Variants in MAT2B observed in about 807,000 individuals in gnomAD.
MAT2B encodes methionine adenosyltransferase 2 non-catalytic beta subunit.
In MAT2B, 16 loss-of-function variants were observed where a neutral mutation model predicts 36.1. That is an observed-to-expected ratio of 0.44 (90% CI 0.30 to 0.67). The LOEUF (loss-of-function observed/expected upper bound fraction) is 0.67. Ranked by LOEUF, MAT2B falls within the 30% of genes least tolerant of loss-of-function variation. The probability of loss-of-function intolerance (pLI) is 0.09; values close to 1 mark genes in which losing one functional copy is unlikely to be tolerated. For synonymous variants in MAT2B, 148 were observed against 136.9 expected, an observed-to-expected ratio of 1.08 and a Z score of -0.57; for missense variants, 332 against 398.2, an observed-to-expected ratio of 0.83 and a Z score of 1.42.
At chr5:163,509,416 C>T (rs1189310008) in intron 1 of MAT2B, among the ~76,000 whole-genome samples, 1 of 152,142 alleles carries the variant, frequency 6.6e-6, no homozygotes, top group African/African-American at 2.4e-5. Flanking sequence ...TTCGAGAGTA[C>T]ACTGGTCCTC....
rs748018851 is a variant in MAT2B at position 163,513,578 on chromosome 5, A to G, written c.282A>G (p.Ala94=). The G allele has an allele frequency of 1.2e-6, 2 of 1,611,052 alleles. No homozygotes were observed. The highest frequency in any genetic ancestry group is 1.7e-5 in the Admixed American group (1 of 59,990). ...AGCCCCATGTTATAGTACATTGTGC[A>G]GCAGAGAGAAGACCAGATGTTGTAG... The part of the protein sequence containing the change: ...DFQPHVIVHC[A]AERRPDVVEN... Residue 94 remains alanine, a synonymous_variant, in exon 3 of 7, where the codon GCA becomes GCG. Coordinates refer to ENST00000321757, the MANE Select transcript of MAT2B (RefSeq NM_013283.5).
At chr5:163,505,470 G>C (rs1759911390), upstream of MAT2B, 21 of 1,200,200 alleles carry the variant, frequency 1.7e-5, no homozygotes, top group Non-Finnish European at 2.0e-5. Context: ...TCGGCGCGTG[G>C]GCTGGGGGCA....
chr5:163,511,328 T>C (rs1004512864), intron 1 of MAT2B, among the ~76,000 whole-genome samples: 3 of 151,828 alleles, frequency 2.0e-5, no homozygotes, highest in Non-Finnish European at 4.4e-5. Flanking sequence ...GTGCATGTCA[T>C]GATCTCTGCT....
intron 1 of MAT2B, among the ~76,000 whole-genome samples, chr5:163,508,664 C>A (rs1759987209): frequency 6.6e-6 from 1 of 151,884 alleles, no homozygotes; most frequent in Non-Finnish European, 1.5e-5. Context: ...GTCCCCCAGG[C>A]TGGAGTGCAG....
chr5:163,511,248 T>G (rs1023371596), intron 1 of MAT2B, among the ~76,000 whole-genome samples: 1 of 137,884 alleles, frequency 7.3e-6, no homozygotes, highest in Non-Finnish European at 1.5e-5. Context: ...TTGGGTAAGA[T>G]TATTATAACT....
intron 1 of MAT2B, among the ~76,000 whole-genome samples, chr5:163,506,919 C>G (rs1374249875): frequency 6.6e-6 from 1 of 152,180 alleles, no homozygotes; most frequent in Non-Finnish European, 1.5e-5. Flanking sequence ...TTAAAGCTTA[C>G]TGACTCATGA....
upstream of MAT2B, among the ~76,000 whole-genome samples, chr5:163,504,184 A>G (rs1229817703): frequency 6.6e-6 from 1 of 152,154 alleles, no homozygotes; most frequent in Admixed American, 6.5e-5. Context: ...TAAGAGAAAA[A>G]GTAGTAAGAT....
chr5:163,503,356 C>A, upstream of MAT2B: 1 of 1,605,664 alleles, frequency 6.2e-7, no homozygotes, highest in East Asian at 2.2e-5. Context: ...GAGGCTAAGA[C>A]CCATCCCGTA....
chr5:163,506,301 C>T (rs941373791), intron 1 of MAT2B, among the ~76,000 whole-genome samples: 2 of 152,134 alleles, frequency 1.3e-5, no homozygotes, highest in African/African-American at 4.8e-5. Context: ...GAGGGTGAGA[C>T]ATTGGCCCAG....
At chr5:163,512,740 G>T (rs1267028243) in intron 2 of MAT2B, 1 of 448,512 alleles carries the variant, frequency 2.2e-6, no homozygotes, top group Non-Finnish European at 4.5e-6. Context: ...GAGTGCAGTG[G>T]TGCAGTTGAG....
Position 163,518,385 on chromosome 5 carries a change from T to C in MAT2B, c.*22T>C, listed in dbSNP as rs1760167570. The C allele has an allele frequency of 6.3e-7, 1 of 1,576,318 alleles. No individual in the cohort carries two copies. Among genetic ancestry groups the C allele is most frequent in the South Asian group, 1.2e-5 (1 of 84,276 alleles). On this transcript the variant is annotated 3_prime_UTR_variant, in exon 7 of 7. Transcript: ENST00000321757. ...TTAGTTTATTTGTGTTGGGTTCTTT[T>C]TTTTTTTTAAATGAAAAGTATAGTA...
chr5:163,505,875 A>C, intron 1 of MAT2B, 126 bp downstream of exon 1: 23 of 657,364 alleles, frequency 3.5e-5, no homozygotes, highest in Non-Finnish European at 4.4e-5. Context: ...GAGTGGTCTC[A>C]CCGCCACCCT....
intron 1 of MAT2B, among the ~76,000 whole-genome samples, chr5:163,508,819 G>C (rs1759990434): frequency 6.6e-6 from 1 of 152,044 alleles, no homozygotes; most frequent in South Asian, 2.1e-4. Context: ...AGGTGTCAGT[G>C]CTCAAGATTT....
chr5:163,506,177 T>C (rs117858657), intron 1 of MAT2B, among the ~76,000 whole-genome samples: 1 of 152,318 alleles, frequency 6.6e-6, no homozygotes, highest in East Asian at 1.9e-4. Context: ...AGATGACAAC[T>C]TATTGAACTC....
At chr5:163,507,950 T>A (rs1181007116) in intron 1 of MAT2B, among the ~76,000 whole-genome samples, 1 of 152,222 alleles carries the variant, frequency 6.6e-6, no homozygotes, top group Non-Finnish European at 1.5e-5. Context: ...TGAAAGAGCC[T>A]TAGTCATTTT....
At chr5:163,518,117 G>T in intron 6 of MAT2B, 76 bp from the exon 7 acceptor site, 3 of 1,009,484 alleles carry the variant, frequency 3.0e-6, no homozygotes, top group South Asian at 1.8e-5. Flanking sequence ...TTTAAAAAAA[G>T]GTCAGGGGGA....
At position 163,515,621 on chromosome 5, in the gene MAT2B, A is replaced by G. The variant is rs571093418; in HGVS notation, c.527-897A>G. On this transcript the variant is annotated intron_variant, in intron 4 of 6. Coordinates refer to ENST00000321757, the MANE Select transcript of MAT2B (RefSeq NM_013283.5). ...ATGTCCTTTATTGCTTTTATTTTTT[A>G]ATCTAGCATCCAGTCAAAGACTATT... Among the ~76,000 whole-genome samples the G allele has an allele frequency of 9.2e-5, 14 of 152,132 alleles. No homozygotes were observed. The East Asian group carries it at 2.5e-3, about 27-fold the overall frequency.
upstream of MAT2B, chr5:163,503,309 C>T: frequency 1.6e-6 from 2 of 1,283,522 alleles, no homozygotes; most frequent in Non-Finnish European, 1.1e-6. Context: ...GCGCTCTCTG[C>T]AGGCAGAAGC....
Position 163,513,575 on chromosome 5 carries a change from T to G in MAT2B, c.279T>G (p.Cys93Trp). The change falls in exon 3 of 7, where the codon TGT (cysteine) becomes TGG (tryptophan). Residue 93 changes from cysteine to tryptophan, a missense_variant. Coordinates refer to ENST00000321757, the MANE Select transcript of MAT2B (RefSeq NM_013283.5). Reference sequence around the variant, plus strand: ...TCTAGCCCCATGTTATAGTACATTGTGCAGCAGAGAGAAGACCAGATGTTG... The same window carrying G: ...TCTAGCCCCATGTTATAGTACATTGGGCAGCAGAGAGAAGACCAGATGTTG... ...HDFQPHVIVH[C>W]AAERRPDVVE... is the part of the protein sequence containing the mutation. The G allele has an allele frequency of 6.2e-7, 1 of 1,610,154 alleles. No individual in the cohort carries two copies.
Sources: gnomAD v4.1 joint callset for allele counts (sites outside exome capture counted in the v4.1 genomes callset) on GRCh38, gnomAD v4.1.1 for gene constraint, MANE v1.5 for transcripts, NCBI Gene and HGNC (gene_info 2026-07-23, HGNC 2026-07-21) for gene names.